Variants in SERPINB13 observed in about 807,000 individuals in gnomAD.
SERPINB13 encodes the protein serpin B13.
A neutral mutation model predicts 31.2 loss-of-function variants in SERPINB13; 26 were observed. That is an observed-to-expected ratio of 0.83 (90% CI 0.61 to 1.15). SERPINB13 has a LOEUF of 1.15. Ranked by LOEUF, SERPINB13 falls within the 50% of genes most tolerant of loss-of-function variation. The pLI is 0.00. For synonymous variants in SERPINB13, 191 were observed against 172.4 expected (o/e 1.11, Z -0.85); for missense variants, 510 against 469.4 (o/e 1.09, Z -0.80).
At chr18:63,596,900 C>T in intron 7 of SERPINB13, 59 bp from the exon 8 acceptor site, 1 of 1,375,190 alleles carries the variant, frequency 7.3e-7, no homozygotes, top group African/African-American at 1.5e-5. Context: ...ATCAGTGTTA[C>T]ACTGTTTTAG....
chr18:63,597,243 C>A lies in SERPINB13; in HGVS notation c.1056C>A (p.Gly352=), dbSNP rs1293754268. Residue 352 remains glycine, a synonymous_variant, in exon 8 of 8, where the codon GGC becomes GGA. Coordinates refer to ENST00000344731, the MANE Select transcript of SERPINB13 (RefSeq NM_012397.4). ...GTEAAAATGI[G]FTVTSAPGHE... The stretch of plus-strand genomic sequence containing the variant: ...AGGCTGCAGCTGCCACCGGCATAGG[C>A]TTTACTGTCACATCCGCCCCAGGTC... 5.0e-6 allele frequency: 8 copies of A among 1,614,110 alleles called. No individual in the cohort carries two copies. The highest frequency in any genetic ancestry group is 6.8e-6 in the Non-Finnish European group (8 of 1,180,042).
intron 7 of SERPINB13, among the ~76,000 whole-genome samples, chr18:63,595,865 C>T (rs1417384748): frequency 2.0e-5 from 3 of 151,806 alleles, no homozygotes; most frequent in Admixed American, 2.0e-4. Context: ...CGCCACTGCA[C>T]TCCGCCTGGG....
intron 2 of SERPINB13, 134 bp downstream of exon 2, chr18:63,588,966 C>G: frequency 1.0e-6 from 1 of 986,826 alleles, no homozygotes; most frequent in South Asian, 1.9e-5. Flanking sequence ...ACTTTCAAGA[C>G]AAGGAGCAAT....
At chr18:63,589,171 G>A (rs893161840) in intron 2 of SERPINB13, among the ~76,000 whole-genome samples, 2 of 152,106 alleles carry the variant, frequency 1.3e-5, no homozygotes, top group Non-Finnish European at 2.9e-5. Context: ...GCCAATACGA[G>A]TTCCTTAGAA....
chr18:63,588,875 T>C, intron 2 of SERPINB13, 43 bp downstream of exon 2: 2 of 1,514,196 alleles, frequency 1.3e-6, no homozygotes, highest in East Asian at 2.4e-5. Context: ...TATGCACAAA[T>C]TCATTTGGCG....
At chr18:63,590,633 A>G (rs1911798130) in intron 3 of SERPINB13, among the ~76,000 whole-genome samples, 1 of 152,218 alleles carries the variant, frequency 6.6e-6, no homozygotes, top group Non-Finnish European at 1.5e-5. Context: ...ATGATAGCCC[A>G]TGTAGAACCT....
intron 5 of SERPINB13, 155 bp from the exon 6 acceptor site, chr18:63,594,200 C>G: frequency 1.3e-6 from 2 of 1,532,254 alleles, no homozygotes; most frequent in Non-Finnish European, 1.8e-6. Context: ...ACCTCCCCGT[C>G]GATTCTGCCA....
At chr18:63,592,124 G>A (rs1237700483) in intron 3 of SERPINB13, among the ~76,000 whole-genome samples, 3 of 152,108 alleles carry the variant, frequency 2.0e-5, no homozygotes, top group African/African-American at 7.2e-5. Context: ...TGTGGTGTTG[G>A]GCTGGCAGAG....
chr18:63,592,486 C>T lies in SERPINB13; in HGVS notation c.354+10C>T. On this transcript the variant is annotated intron_variant, in intron 4 of 7. Coordinates refer to ENST00000344731, the MANE Select transcript of SERPINB13 (RefSeq NM_012397.4). The stretch of plus-strand genomic sequence containing the variant: ...ATACCTCTTCCTTCAAGTAAGTTTG[C>T]CATGCCTACCATATCTGTGAGTGGT... 1 of 1,611,238 alleles carries T rather than the reference C, an allele frequency of 6.2e-7. No individual in the cohort carries two copies. Among genetic ancestry groups the T allele is most frequent in the Non-Finnish European group, 8.5e-7 (1 of 1,178,560 alleles).
At chr18:63,592,771 A>G in intron 4 of SERPINB13, 83 bp from the exon 5 acceptor site, 1 of 905,762 alleles carries the variant, frequency 1.1e-6, no homozygotes, top group Non-Finnish European at 1.7e-6. Flanking sequence ...ATCCTAATGT[A>G]TACATAAATT....
chr18:63,594,544 A>G lies in SERPINB13; in HGVS notation c.615+47A>G, dbSNP rs751641639. ...CGTGATGTGCTTACACATGGAATGT[A>G]AAGTCTAAAGTCATGGCTGGGCGTG... On this transcript the variant is annotated intron_variant, in intron 6 of 7. Coordinates refer to ENST00000344731, the MANE Select transcript of SERPINB13 (RefSeq NM_012397.4). 1.9e-6 allele frequency: 3 copies of G among 1,591,904 alleles called. No homozygotes were observed. In the Admixed American group the frequency reaches 5.2e-5, roughly 27 times the overall value.
chr18:63,594,593 C>G (rs924837818), intron 6 of SERPINB13, 96 bp downstream of exon 6: 1 of 1,396,408 alleles, frequency 7.2e-7, no homozygotes, highest in Non-Finnish European at 9.8e-7. Context: ...GTAATCCCAG[C>G]ACTTTGGGAG....
At chr18:63,596,343 C>A (rs1490878273) in intron 7 of SERPINB13, among the ~76,000 whole-genome samples, 1 of 152,100 alleles carries the variant, frequency 6.6e-6, no homozygotes, top group Non-Finnish European at 1.5e-5. Flanking sequence ...AGAAATAATG[C>A]AGAAGAAAAA....
Position 63,597,184 on chromosome 18 carries a change from A to T in SERPINB13, c.997A>T (p.Ser333Cys), listed in dbSNP as rs753453542. ...GTTGTACGCCCAGAAGTTCCTGCAC[A>T]GTTCCTTTGTGGCAGTAACTGAGGA... is the stretch of plus-strand genomic sequence containing the variant. ...SGLYAQKFLH[S>C]SFVAVTEEGT... The change falls in exon 8 of 8, where the codon AGT becomes TGT. Residue 333 changes from serine (S) to cysteine (C), a missense_variant. Transcript: ENST00000344731. 7.4e-6 allele frequency: 12 copies of T among 1,614,232 alleles called. No homozygotes were observed. The highest frequency in any genetic ancestry group is 4.5e-5 in the East Asian group (2 of 44,886).
intron 3 of SERPINB13, 32 bp downstream of exon 3, chr18:63,589,747 G>A: frequency 6.2e-7 from 1 of 1,613,748 alleles, no homozygotes; most frequent in Non-Finnish European, 8.5e-7. Flanking sequence ...AAAGAGGTGG[G>A]GAGATGTGTT....
In SERPINB13 at chr18:63,597,263, C is replaced by G. The variant is rs147545035; in HGVS notation, c.1076C>G (p.Pro359Arg). The G allele has an allele frequency of 1.4e-4, 226 of 1,614,226 alleles. No homozygotes were observed. The African/African-American group carries it at 2.8e-3, about 20-fold the overall frequency. ...TGIGFTVTSA[P>R]GHENVHCNHP... The stretch of plus-strand genomic sequence containing the variant: ...ATAGGCTTTACTGTCACATCCGCCC[C>G]AGGTCATGAAAATGTTCACTGCAAT... Residue 359 changes from proline to arginine, a missense_variant, in exon 8 of 8, where the codon CCA (proline) becomes CGA (arginine). Transcript: ENST00000344731.
intron 3 of SERPINB13, among the ~76,000 whole-genome samples, chr18:63,590,507 T>C (rs1171317768): frequency 6.6e-6 from 1 of 152,204 alleles, no homozygotes; most frequent in Non-Finnish European, 1.5e-5. Context: ...CAGTTGCTCC[T>C]GTGGAGGGTC....
chr18:63,587,783 A>G (rs984070693), intron 1 of SERPINB13, among the ~76,000 whole-genome samples: 1 of 152,230 alleles, frequency 6.6e-6, no homozygotes, highest in Admixed American at 6.5e-5. Context: ...CATTAATCTT[A>G]TTCTTGTTTT....
chr18:63,597,267 T>C lies in SERPINB13; in HGVS notation c.1080T>C (p.Gly360=). ...GIGFTVTSAP[G]HENVHCNHPF... is the part of the protein sequence containing the mutation. ...GCTTTACTGTCACATCCGCCCCAGG[T>C]CATGAAAATGTTCACTGCAATCATC... The change falls in exon 8 of 8, where the codon GGT becomes GGC. Residue 360 remains glycine, a synonymous_variant. Coordinates refer to ENST00000344731, the MANE Select transcript of SERPINB13 (RefSeq NM_012397.4). 6.2e-7 allele frequency: 1 copy of C among 1,614,218 alleles called. No homozygotes were observed. Among genetic ancestry groups the C allele is most frequent in the South Asian group, 1.1e-5 (1 of 91,086 alleles).
Sources: gnomAD v4.1 joint callset for allele counts (sites outside exome capture counted in the v4.1 genomes callset) on GRCh38, gnomAD v4.1.1 for gene constraint, MANE v1.5 for transcripts, NCBI Gene and HGNC (gene_info 2026-07-23, HGNC 2026-07-21) for gene names.